Variants in ANGPT4 observed in about 807,000 individuals in gnomAD.
The protein encoded by ANGPT4 is angiopoietin 4.
Under a neutral mutation model 53.0 loss-of-function variants are expected in ANGPT4, and 50 were observed. The ratio of observed to expected loss-of-function variants is 0.94; its 90% CI spans 0.75 to 1.20. ANGPT4 has a LOEUF of 1.20. Ranked by LOEUF, ANGPT4 falls within the 50% of genes most tolerant of loss-of-function variation. The pLI is 0.00. For missense variants in ANGPT4, 648 were observed against 637.1 expected, an observed-to-expected ratio of 1.02 and a Z score of -0.18; for synonymous variants, 251 against 259.7, an observed-to-expected ratio of 0.97 and a Z score of 0.32.
At chr20:881,837 G>T (rs1981420915) in intron 4 of ANGPT4, among the ~76,000 whole-genome samples, 1 of 152,328 alleles carries the variant, frequency 6.6e-6, no homozygotes, top group African/African-American at 2.4e-5. Flanking sequence ...GGGCCTGGAG[G>T]GGATGAGACT....
In ANGPT4 at chr20:911,863, A is replaced by G. The variant is rs141488120; in HGVS notation, c.309+4043T>C. Among the ~76,000 whole-genome samples the G allele has an allele frequency of 1.1e-3, 84 of 74,206 alleles. No individual in the cohort carries two copies. Among genetic ancestry groups the G allele is most frequent in the African/African-American group, 2.6e-3 (66 of 25,170 alleles). 48.7% of individuals were successfully genotyped at this position (74,206 alleles called of 152,430 possible). On this transcript the variant is annotated intron_variant, in intron 1 of 8. Transcript: ENST00000381922. The surrounding 1 kb of genome is among the most constrained non-coding windows in gnomAD (Gnocchi z 4.9). ...GAGAGGGACAGAGAGAGGGAGAGAG[A>G]GACAGAGAGAGGGAGAAAGAGACAG...
At chr20:879,723 C>G (rs952720465) in intron 6 of ANGPT4, 24 bp downstream of exon 6, 3 of 1,603,260 alleles carry the variant, frequency 1.9e-6, no homozygotes, top group South Asian at 1.1e-5. Context: ...GCAGAATGGC[C>G]CCTCCCCAAG....
intron 5 of ANGPT4, 55 bp downstream of exon 5, chr20:881,116 G>A: frequency 7.2e-7 from 1 of 1,394,878 alleles, no homozygotes; most frequent in Non-Finnish European, 9.7e-7. Context: ...GTCTGTTTGG[G>A]AAGCCCTTGG....
At chr20:880,937 T>C (rs1981379279) in intron 5 of ANGPT4, among the ~76,000 whole-genome samples, 1 of 152,234 alleles carries the variant, frequency 6.6e-6, no homozygotes, top group Non-Finnish European at 1.5e-5. Flanking sequence ...TTTGTGCTGT[T>C]CCAGTTAAAG....
chr20:881,147 A>G (rs1413418790), intron 5 of ANGPT4, 24 bp downstream of exon 5: 8 of 1,540,958 alleles, frequency 5.2e-6, no homozygotes, highest in Non-Finnish European at 7.0e-6. Flanking sequence ...TCTAACAGCC[A>G]CAGTTCCCAG....
rs1433585310 is a variant in ANGPT4 at position 916,115 on chromosome 20, C to T, written c.100G>A (p.Glu34Lys). 6.8e-6 allele frequency: 11 copies of T among 1,614,184 alleles called. No homozygotes were observed. The South Asian group carries it at 7.7e-5, about 11-fold the overall frequency. ...TGGCCGTGCTGGACTACAAGTGTCT[C>T]GCAGCCCCTATCCGCCTCCTGCCTT... ...QTRQEADRGC[E>K]TLVVQHGHCS... is the part of the protein sequence containing the mutation. The change falls in exon 1 of 9, where the codon GAG becomes AAG. Residue 34 changes from glutamate to lysine, a missense_variant. Coordinates refer to ENST00000381922, the MANE Select transcript of ANGPT4 (RefSeq NM_015985.4).
chr20:913,484 G>A (rs116532077), intron 1 of ANGPT4, among the ~76,000 whole-genome samples: 150 of 152,304 alleles, frequency 9.8e-4, no homozygotes, highest in African/African-American at 3.2e-3. Flanking sequence ...GGCACTCTAC[G>A]GTGACCTGAC....
chr20:884,579 A>T (rs1981532896), intron 4 of ANGPT4, among the ~76,000 whole-genome samples: 1 of 152,252 alleles, frequency 6.6e-6, no homozygotes, highest in Non-Finnish European at 1.5e-5. Flanking sequence ...CCCAGAAGCC[A>T]GGGCCAGGGA....
intron 2 of ANGPT4, among the ~76,000 whole-genome samples, 170 bp from the exon 3 acceptor site, chr20:888,609 C>T (rs115022922): frequency 5.3e-5 from 8 of 152,314 alleles, no homozygotes; most frequent in East Asian, 3.9e-4. Context: ...AGCTTATTAC[C>T]TGCTTCCTAA....
intron 1 of ANGPT4, among the ~76,000 whole-genome samples, chr20:910,573 G>C (rs978615310): frequency 4.6e-5 from 7 of 152,174 alleles, no homozygotes; most frequent in African/African-American, 1.7e-4. Flanking sequence ...ACTGCGGCCA[G>C]AGTCTGACTG....
At chr20:876,582 C>T (rs1981180170) in intron 7 of ANGPT4, among the ~76,000 whole-genome samples, 1 of 152,222 alleles carries the variant, frequency 6.6e-6, no homozygotes. Context: ...CAGGCCTCAT[C>T]ACACCCTTTT....
At position 870,643 on chromosome 20, in the gene ANGPT4, G is replaced by A. The variant is rs1044016648; in HGVS notation, c.*2317C>T. 6.6e-6 allele frequency: 1 copy of A among 152,228 alleles called. No homozygotes were observed. The highest frequency in any genetic ancestry group is 1.5e-5 in the Non-Finnish European group (1 of 68,072). 9.4% of individuals were successfully genotyped at this position (152,228 alleles called of 1,614,324 possible). A position where few individuals can be genotyped will look rare whatever the true frequency, so the allele number is the denominator to read the frequency against. Reference sequence around the variant, plus strand: ...ACTTGGGCCTTCAACCCACCCAGAGGAGTTCTGTCCCTGGGCCTCACAGCT... The same window carrying A: ...ACTTGGGCCTTCAACCCACCCAGAGAAGTTCTGTCCCTGGGCCTCACAGCT... On this transcript the variant is annotated 3_prime_UTR_variant, in exon 9 of 9. Coordinates refer to ENST00000381922, the MANE Select transcript of ANGPT4 (RefSeq NM_015985.4).
At chr20:884,894 C>T (rs6055560) in intron 4 of ANGPT4, among the ~76,000 whole-genome samples, 184 bp downstream of exon 4, 18,276 of 152,188 alleles carry the variant, frequency 0.12, 1,252 homozygotes, top group South Asian at 0.21. Context: ...GGGACAGGGC[C>T]TGGATTGGGA....
At chr20:876,183 G>T (rs1981165585) in intron 7 of ANGPT4, among the ~76,000 whole-genome samples, 1 of 151,654 alleles carries the variant, frequency 6.6e-6, no homozygotes, top group Non-Finnish European at 1.5e-5. Context: ...TTGCTGGGTG[G>T]AGGCAAGTGG....
In ANGPT4 at chr20:915,871, C is replaced by T. The variant is rs748445216; in HGVS notation, c.309+35G>A. 6.5e-5 allele frequency: 99 copies of T among 1,528,092 alleles called. 1 individual carries two copies. In the South Asian group the frequency reaches 1.2e-3, roughly 19 times the overall value. The allele number at this position is 1,528,092 out of a possible 1,614,324, so 94.7% of individuals were successfully genotyped here. On this transcript the variant is annotated intron_variant, in intron 1 of 8. Coordinates refer to ENST00000381922, the MANE Select transcript of ANGPT4 (RefSeq NM_015985.4). Reference sequence around the variant, plus strand: ...CTGATTGTGACAGACCCCAAAGCCGCCCTCTGCCCCCTGCAAACCTCCCAT... The same window carrying T: ...CTGATTGTGACAGACCCCAAAGCCGTCCTCTGCCCCCTGCAAACCTCCCAT...
In ANGPT4 at chr20:878,226, C is replaced by T. The variant is rs1981249049; in HGVS notation, c.1155G>A (p.Trp385Ter). 3 of 1,612,726 alleles carry T rather than the reference C, an allele frequency of 1.9e-6. No homozygotes were observed. Among genetic ancestry groups the T allele is most frequent in the African/African-American group, 1.3e-5 (1 of 74,928 alleles). ...AYSLRVELQD[W>*]EGHEAYAQYE... ...ACTGGGCATAGGCCTCGTGGCCTTC[C>T]CAGTCTTGCAGCTCCACACGCAGAG... The change falls in exon 7 of 9, where the codon TGG becomes TGA. Residue 385 changes from tryptophan to a stop codon, truncating the protein, a stop_gained. Coordinates refer to ENST00000381922, the MANE Select transcript of ANGPT4 (RefSeq NM_015985.4). LOFTEE classifies it high-confidence loss of function.
At position 889,476 on chromosome 20, in the gene ANGPT4, A is replaced by C. The variant is rs534651352; in HGVS notation, c.465+737T>G. 2.1e-4 allele frequency among the ~76,000 whole-genome samples: 32 copies of C among 152,302 alleles called. 1 individual carries two copies. The East Asian group carries it at 5.8e-3, about 28-fold the overall frequency. On this transcript the variant is annotated intron_variant, in intron 2 of 8. Coordinates refer to ENST00000381922, the MANE Select transcript of ANGPT4 (RefSeq NM_015985.4). ...CTGTAGGCAGTTATAACACAGTGGGAAGTATTTGTGTATGCATATCTAAAC... is the reference window on the plus strand; with the variant it reads ...CTGTAGGCAGTTATAACACAGTGGGCAGTATTTGTGTATGCATATCTAAAC...
At chr20:899,442 A>G (rs1368356396) in intron 1 of ANGPT4, among the ~76,000 whole-genome samples, 22 of 151,212 alleles carry the variant, frequency 1.5e-4, no homozygotes, top group Admixed American at 6.6e-5. Flanking sequence ...TTTAGTAGAG[A>G]CGGGGTTTCA....
chr20:902,879 A>G (rs777155280), intron 1 of ANGPT4, among the ~76,000 whole-genome samples: 8 of 152,030 alleles, frequency 5.3e-5, no homozygotes, highest in Non-Finnish European at 1.0e-4. Flanking sequence ...GGCCTGGAAG[A>G]CTGTCTGGAT....
Sources: gnomAD v4.1 joint callset for allele counts (sites outside exome capture counted in the v4.1 genomes callset) on GRCh38, gnomAD v4.1.1 for gene constraint, Gnocchi (gnomAD v3.1) non-coding constraint, MANE v1.5 for transcripts, NCBI Gene and HGNC (gene_info 2026-07-23, HGNC 2026-07-21) for gene names.